PNPT1: variants seen among roughly 807,000 people sequenced by gnomAD.
PNPT1 encodes the protein polyribonucleotide nucleotidyltransferase 1, mitochondrial.
Under a neutral mutation model 119.5 loss-of-function variants are expected in PNPT1, and 53 were observed. The observed-to-expected ratio is 0.44, with a 90% CI of 0.36 to 0.56. The LOEUF (loss-of-function observed/expected upper bound fraction) is 0.56. Ranked by LOEUF, PNPT1 falls within the 20% of genes least tolerant of loss-of-function variation. PNPT1 has a pLI of 0.00. For synonymous variants in PNPT1, 357 were observed against 322.1 expected (o/e 1.11, Z -1.16); for missense variants, 948 against 938.5 (o/e 1.01, Z -0.13).
chr2:55,660,001 G>A (rs1696512708), intron 15 of PNPT1, among the ~76,000 whole-genome samples, 156 bp downstream of exon 15: 1 of 152,046 alleles, frequency 6.6e-6, no homozygotes, highest in Non-Finnish European at 1.5e-5. Context: ...CTACTTGGGA[G>A]GCTGAGGCGG....
At chr2:55,660,330 A>G in intron 14 of PNPT1, 137 bp from the exon 15 acceptor site, 1 of 861,658 alleles carries the variant, frequency 1.2e-6, no homozygotes, top group Non-Finnish European at 1.7e-6. Context: ...ACTGAAAACC[A>G]AAGAATTAAT....
chr2:55,685,472 G>C (rs1469251108), intron 3 of PNPT1, among the ~76,000 whole-genome samples: 1 of 151,902 alleles, frequency 6.6e-6, no homozygotes, highest in African/African-American at 2.4e-5. Context: ...AGGCTGCAGT[G>C]AACTATGATC....
intron 5 of PNPT1, among the ~76,000 whole-genome samples, chr2:55,682,144 A>G (rs1029710751): frequency 5.3e-5 from 8 of 151,888 alleles, no homozygotes; most frequent in Non-Finnish European, 1.0e-4. Flanking sequence ...TTCCATCTCA[A>G]AAAACAAACA....
chr2:55,635,584 T>C lies in PNPT1; in HGVS notation c.*653A>G, dbSNP rs567713185. On this transcript the variant is annotated 3_prime_UTR_variant, in exon 28 of 28. Coordinates refer to ENST00000447944, the MANE Select transcript of PNPT1 (RefSeq NM_033109.5). ...TGCCTTAGCCAATAATCTTTCTGTT[T>C]AGGTAAATTTGAAAAATATACATCA... 1 of 152,340 alleles carries C rather than the reference T, an allele frequency of 6.6e-6. No individual in the cohort carries two copies. The highest frequency in any genetic ancestry group is 1.9e-4 in the East Asian group (1 of 5,186). 9.4% of individuals were successfully genotyped at this position (152,340 alleles called of 1,614,324 possible).
chr2:55,672,819 T>TGGGAAGTTTCTCTCCCAC (rs1696954868), intron 9 of PNPT1, 74 bp downstream of exon 9: 1 of 1,391,194 alleles, frequency 7.2e-7, no homozygotes, highest in Non-Finnish European at 9.8e-7. Flanking sequence ...AGTGCTTCCA[T>TGGGAAGTTTCTCTCCCAC]GGGAAGTTTC....
chr2:55,635,053 T>A lies in PNPT1; in HGVS notation c.*1184A>T, dbSNP rs565129953. ...TACAGGCACGTACCACTGAGTCCAG[T>A]GTATTTTTATAAGATTTTAAAAAAG... is the stretch of plus-strand genomic sequence containing the variant. On this transcript the variant is annotated 3_prime_UTR_variant, in exon 28 of 28. Coordinates refer to ENST00000447944, the MANE Select transcript of PNPT1 (RefSeq NM_033109.5). 1 of 152,116 alleles carries A rather than the reference T, an allele frequency of 6.6e-6. No homozygotes were observed. Among genetic ancestry groups the A allele is most frequent in the Non-Finnish European group, 1.5e-5 (1 of 68,022 alleles). The allele number at this position is 152,116 out of a possible 1,614,324, so 9.4% of individuals were successfully genotyped here.
At chr2:55,640,602 A>G in intron 26 of PNPT1, 25 bp downstream of exon 26, 1 of 1,528,732 alleles carries the variant, frequency 6.5e-7, no homozygotes, top group Non-Finnish European at 9.1e-7. Flanking sequence ...TATAAAAATA[A>G]TAACAATAAC....
Position 55,667,964 on chromosome 2 carries a change from G to C in PNPT1, c.977-6C>G, listed in dbSNP as rs748423877. ...ATCGGCTTCTGGAAATTTTTCTATA[G>C]AAAAAAGACAAACCAAAACAAAGAT... On this transcript the variant is annotated splice_region_variant and splice_polypyrimidine_tract_variant and intron_variant, in intron 11 of 27. Transcript: ENST00000447944. 1 of 1,573,678 alleles carries C rather than the reference G, an allele frequency of 6.4e-7. No homozygotes were observed. Among genetic ancestry groups the C allele is most frequent in the African/African-American group, 1.4e-5 (1 of 71,766 alleles).
intron 25 of PNPT1, among the ~76,000 whole-genome samples, chr2:55,642,238 T>C (rs886398297): frequency 6.6e-6 from 1 of 152,156 alleles, no homozygotes. Context: ...TTGCTAAGTC[T>C]ATTTTGGGCC....
chr2:55,658,686 C>A (rs1423715775), intron 15 of PNPT1, among the ~76,000 whole-genome samples: 1 of 152,164 alleles, frequency 6.6e-6, no homozygotes, highest in East Asian at 1.9e-4. Context: ...CAGCTCATGA[C>A]AAAGAACCTG....
At chr2:55,680,637 G>T in intron 7 of PNPT1, 75 bp downstream of exon 7, 1 of 1,330,210 alleles carries the variant, frequency 7.5e-7, no homozygotes, top group Admixed American at 2.0e-5. Flanking sequence ...ATATGCCATT[G>T]CTGTAACATG....
intron 1 of PNPT1, among the ~76,000 whole-genome samples, chr2:55,692,654 T>C (rs985569852): frequency 6.6e-6 from 1 of 152,202 alleles, no homozygotes; most frequent in Non-Finnish European, 1.5e-5. Context: ...TGAGCCTCTG[T>C]AGTCTTAACT....
In PNPT1 at chr2:55,687,663, A is replaced by T. The variant is rs1697455210; in HGVS notation, c.204T>A (p.Asp68Glu). 6.3e-7 allele frequency: 1 copy of T among 1,598,544 alleles called. No homozygotes were observed. The highest frequency in any genetic ancestry group is 8.5e-7 in the Non-Finnish European group (1 of 1,175,324). The stretch of plus-strand genomic sequence containing the variant: ...TTTTTACCTGTACTACAGCAGAGCC[A>T]TCTGCAAATCTGGCCAGCTTTCCAG... ...ISSGKLARFA[D>E]GSAVVQSGDT... is the part of the protein sequence containing the mutation. The change falls in exon 2 of 28, where the codon GAT (aspartate) becomes GAA (glutamate). Residue 68 changes from aspartate (D) to glutamate (E), a missense_variant. Physicochemically the swap from Asp to Glu is conservative, Grantham distance 45 (BLOSUM62 2). Coordinates refer to ENST00000447944, the MANE Select transcript of PNPT1 (RefSeq NM_033109.5).
intron 7 of PNPT1, 133 bp from the exon 8 acceptor site, chr2:55,679,928 A>T: frequency 1.6e-6 from 1 of 637,568 alleles, no homozygotes. Flanking sequence ...ACGGTATTTA[A>T]GACCCACAGA....
At position 55,691,878 on chromosome 2, in the gene PNPT1, A is replaced by ATATT. The variant is rs1326804958; in HGVS notation, c.161+1784_161+1785insAATA. Among the ~76,000 whole-genome samples, 32 of 33,096 alleles carry ATATT rather than the reference A, an allele frequency of 9.7e-4. 1 individual carries two copies. The highest frequency in any genetic ancestry group is 1.8e-3 in the South Asian group (1 of 560). 21.7% of individuals were successfully genotyped at this position (33,096 alleles called of 152,430 possible). On this transcript the variant is annotated intron_variant, in intron 1 of 27. Transcript: ENST00000447944. Reference sequence around the variant, plus strand: ...TATATATATATATATATATATATATATTTTTTTTTTTTTTTTTTTTTTTTG... The same window carrying ATATT: ...TATATATATATATATATATATATATATATTTTTTTTTTTTTTTTTTTTTTTTTTG...
intron 12 of PNPT1, 144 bp downstream of exon 12, chr2:55,667,718 T>C (rs1189193917): frequency 9.2e-6 from 10 of 1,091,912 alleles, no homozygotes; most frequent in Non-Finnish European, 1.1e-5. Flanking sequence ...TTTTCTTCAA[T>C]AGGTGTCCAT....
At chr2:55,665,243 C>T (rs2586955) in intron 13 of PNPT1, among the ~76,000 whole-genome samples, 141,752 of 152,258 alleles carry the variant, frequency 0.93, 66,534 homozygotes, top group African/African-American at 0.97. Flanking sequence ...CTATGGAGGT[C>T]TTCCTTTCAT....
chr2:55,685,513 A>G (rs1004350261), intron 3 of PNPT1, among the ~76,000 whole-genome samples: 1 of 151,836 alleles, frequency 6.6e-6, no homozygotes, highest in Non-Finnish European at 1.5e-5. Flanking sequence ...CCTGGGTGAC[A>G]GAGCAAGACC....
At position 55,654,927 on chromosome 2, in the gene PNPT1, C is replaced by T. The variant is rs760772034; in HGVS notation, c.1468G>A (p.Gly490Ser). ...NGSSSMASAC[G>S]GSLALMDSGV... ...GAATCCATTAATGCTAAACTTCCGC[C>T]ACATGCAGATGCCATAGAAGATGAC... Residue 490 changes from glycine (G) to serine (S), a missense_variant, in exon 18 of 28, where the codon GGC becomes AGC. Physicochemically the swap from Gly to Ser is moderately conservative, Grantham distance 56 (BLOSUM62 0). Transcript: ENST00000447944. 1 of 1,613,204 alleles carries T rather than the reference C, an allele frequency of 6.2e-7. No homozygotes were observed. The highest frequency in any genetic ancestry group is 1.7e-5 in the Admixed American group (1 of 59,934).
Sources: gnomAD v4.1 joint callset for allele counts (sites outside exome capture counted in the v4.1 genomes callset) on GRCh38, gnomAD v4.1.1 for gene constraint, MANE v1.5 for transcripts, NCBI Gene and HGNC (gene_info 2026-07-23, HGNC 2026-07-21) for gene names.